Variants in EZR observed in about 807,000 individuals in gnomAD.
The protein encoded by EZR is ezrin, also known as cytovillin 2.
Under a neutral mutation model 74.8 loss-of-function variants are expected in EZR, and 40 were observed. The observed-to-expected ratio is 0.53, with a 90% CI of 0.42 to 0.70. The LOEUF (loss-of-function observed/expected upper bound fraction) is 0.70. EZR is among the 30% of genes least tolerant of loss of function. The pLI is 0.00. For missense variants in EZR, 678 were observed against 755.8 expected (o/e 0.90, Z 1.21); for synonymous variants, 341 against 283.3 (o/e 1.20, Z -2.05).
chr6:158,794,880 T>C (rs1285723203), intron 2 of EZR, among the ~76,000 whole-genome samples: 1 of 152,190 alleles, frequency 6.6e-6, no homozygotes, highest in African/African-American at 2.4e-5. Flanking sequence ...AAAAGAACCA[T>C]GTGGTTGACG....
At chr6:158,769,006 G>A (rs540774398) in intron 12 of EZR, among the ~76,000 whole-genome samples, 46 of 152,300 alleles carry the variant, frequency 3.0e-4, no homozygotes, top group Admixed American at 4.6e-4. Flanking sequence ...GTTCCTGACC[G>A]GGGGCTGTCA....
chr6:158,807,441 C>A (rs1051499054), intron 2 of EZR, among the ~76,000 whole-genome samples: 8 of 152,132 alleles, frequency 5.3e-5, no homozygotes, highest in Non-Finnish European at 1.2e-4. Context: ...TTCCCTGAAC[C>A]ACAGCACCTG....
rs755290232 is a variant in EZR at position 158,789,316 on chromosome 6, T to C, written c.68A>G (p.Asn23Ser). ...ATCAAAAAGCTGTTTTCCAGTTGTA[T>C]TTGGCTGGATTGCAAACTCCAGCTC... ...DAELEFAIQP[N>S]TTGKQLFDQV... The change falls in exon 3 of 14, where the codon AAT becomes AGT. Residue 23 changes from asparagine to serine, a missense_variant. Coordinates refer to ENST00000367075, the MANE Select transcript of EZR (RefSeq NM_001111077.2). 3.1e-5 allele frequency: 50 copies of C among 1,614,088 alleles called. No homozygotes were observed. Among genetic ancestry groups the C allele is most frequent in the Admixed American group, 1.7e-4 (10 of 60,016 alleles).
At chr6:158,817,238 C>T (rs556801084) in intron 2 of EZR, among the ~76,000 whole-genome samples, 3 of 152,304 alleles carry the variant, frequency 2.0e-5, no homozygotes, top group East Asian at 3.9e-4. Flanking sequence ...GTTAAACCTT[C>T]CCCCTAATGT....
rs751752351 is a variant in EZR at position 158,784,604 on chromosome 6, C to T, written c.551+40G>A. The T allele has an allele frequency of 1.3e-5, 21 of 1,564,716 alleles. 1 individual carries two copies. Among genetic ancestry groups the T allele is most frequent in the South Asian group, 1.0e-4 (9 of 90,172 alleles). On this transcript the variant is annotated intron_variant, in intron 6 of 13. Coordinates refer to ENST00000367075, the MANE Select transcript of EZR (RefSeq NM_001111077.2). ...ACAGGAAAAGACATGCTGGAGCGCA[C>T]GGAGATGGCAAGATCCCAACAGCAG...
At chr6:158,793,841 A>G (rs569449817) in intron 2 of EZR, among the ~76,000 whole-genome samples, 8 of 152,370 alleles carry the variant, frequency 5.3e-5, no homozygotes, top group African/African-American at 1.9e-4. Context: ...AGAAAGGCCA[A>G]TTATTTTCAA....
chr6:158,811,330 CAGAATAGAG>C, intron 2 of EZR, among the ~76,000 whole-genome samples: 1 of 93,428 alleles, frequency 1.1e-5, no homozygotes, highest in Non-Finnish European at 2.6e-5. Flanking sequence ...TTCACTGCTT[CAGAATAGAG>C]CTGAAACATC....
intron 3 of EZR, among the ~76,000 whole-genome samples, chr6:158,788,731 T>C (rs967387831): frequency 6.8e-6 from 1 of 146,040 alleles, no homozygotes; most frequent in Non-Finnish European, 1.5e-5. Flanking sequence ...GTAATATCAC[T>C]AATAAATACT....
At position 158,784,678 on chromosome 6, in the gene EZR, G is replaced by C; in HGVS notation, c.517C>G (p.Gln173Glu). 2 of 1,614,188 alleles carry C rather than the reference G, an allele frequency of 1.2e-6. No individual in the cohort carries two copies. The highest frequency in any genetic ancestry group is 1.7e-6 in the Non-Finnish European group (2 of 1,180,026). The part of the protein sequence containing the change: ...LTRDQWEDRI[Q>E]VWHAEHRGML... ...CCACGGTGTTCCGCATGCCACACCT[G>C]GATCCGGTCCTCCCACTGGTCCCTG... The change falls in exon 6 of 14, where the codon CAG becomes GAG. Residue 173 changes from glutamine (Q) to glutamate (E), a missense_variant. By Grantham distance (29) the Gln-to-Glu change is conservative (BLOSUM62 2). Transcript: ENST00000367075.
At chr6:158,769,555 G>T in intron 11 of EZR, 137 bp from the exon 12 acceptor site, 1 of 1,042,002 alleles carries the variant, frequency 9.6e-7, no homozygotes, top group Non-Finnish European at 1.4e-6. Context: ...TCCATGGCCA[G>T]CAGGGTCCAT....
chr6:158,777,797 T>C (rs1329612173), intron 7 of EZR, among the ~76,000 whole-genome samples: 1 of 152,204 alleles, frequency 6.6e-6, no homozygotes, highest in African/African-American at 2.4e-5. Context: ...CAGTCAGTCA[T>C]GGTGTGCCTG....
chr6:158,790,398 C>T (rs938453657), intron 2 of EZR, among the ~76,000 whole-genome samples: 1 of 152,174 alleles, frequency 6.6e-6, no homozygotes, highest in Non-Finnish European at 1.5e-5. Context: ...CACTGTCGGG[C>T]GCATTGGCTC....
intron 2 of EZR, among the ~76,000 whole-genome samples, chr6:158,798,803 A>G (rs898569021): frequency 7.3e-5 from 11 of 151,462 alleles, no homozygotes; most frequent in Non-Finnish European, 1.5e-4. Context: ...TAATTTTTCT[A>G]TTTTTTGTAG....
At chr6:158,803,541 ATATG>A (rs202012572) in intron 2 of EZR, among the ~76,000 whole-genome samples, 2,466 of 6,784 alleles carry the variant, frequency 0.36, 323 homozygotes, top group African/African-American at 0.46. Context: ...ATATATATAT[ATATG>A]TATATATATA....
At chr6:158,771,827 TG>T (rs1791121048) in intron 8 of EZR, among the ~76,000 whole-genome samples, 1 of 152,226 alleles carries the variant, frequency 6.6e-6, no homozygotes, top group East Asian at 1.9e-4. Flanking sequence ...CCTTTCATGA[TG>T]TCCTCTCCAG....
rs190714282 is a variant in EZR, at chr6:158,810,840, C to G, written c.12+7242G>C. 3.9e-5 allele frequency among the ~76,000 whole-genome samples: 6 copies of G among 152,326 alleles called. No homozygotes were observed. The East Asian group carries it at 1.2e-3, about 29-fold the overall frequency. On this transcript the variant is annotated intron_variant, in intron 2 of 13. Transcript: ENST00000367075. ...CTTAAGATGAGTTGTTTGGATTTCA[C>G]TGATAAAAACTTTGTCTCCGTTTAT...
intron 2 of EZR, among the ~76,000 whole-genome samples, chr6:158,816,854 G>A (rs1159831355): frequency 1.3e-5 from 2 of 152,192 alleles, no homozygotes; most frequent in African/African-American, 2.4e-5. Flanking sequence ...GGGAGGTCGA[G>A]GTAGGCAGAT....
At chr6:158,769,976 C>A (rs1347253619) in intron 10 of EZR, 32 bp from the exon 11 acceptor site, 1 of 1,603,594 alleles carries the variant, frequency 6.2e-7, no homozygotes. Flanking sequence ...GCCATTCAAA[C>A]CCTCAGCCCA....
Position 158,818,020 on chromosome 6 carries a change from G to A in EZR, c.12+62C>T, listed in dbSNP as rs1777598402. On this transcript the variant is annotated intron_variant, in intron 2 of 13. Coordinates refer to ENST00000367075, the MANE Select transcript of EZR (RefSeq NM_001111077.2). ...AGGAACTGCCCCAACACCTCGAGCA[G>A]GTGCCTCCCCTCTCCAATGAAGCCT... The A allele has an allele frequency of 1.9e-6, 3 of 1,557,574 alleles. No homozygotes were observed. The African/African-American group carries it at 4.1e-5, about 21-fold the overall frequency.
Sources: allele counts gnomAD v4.1 joint callset (sites outside exome capture counted in the v4.1 genomes callset), GRCh38; gene constraint gnomAD v4.1.1; transcripts MANE v1.5; gene names NCBI Gene and HGNC (gene_info 2026-07-23, HGNC 2026-07-21).